HS3ST5: variants seen among roughly 807,000 people sequenced by gnomAD.
The protein encoded by HS3ST5 is heparan sulfate-glucosamine 3-sulfotransferase 5.
HS3ST5 carries 10 observed loss-of-function variants against 25.4 expected under a neutral mutation model. The ratio of observed to expected loss-of-function variants is 0.39; its 90% CI spans 0.24 to 0.67. The LOEUF is 0.67. HS3ST5 is among the 30% of genes least tolerant of loss of function. The pLI is 0.44. For missense variants in HS3ST5, 324 were observed against 420.7 expected, an observed-to-expected ratio of 0.77 and a Z score of 2.01; for synonymous variants, 170 against 162.4, an observed-to-expected ratio of 1.05 and a Z score of -0.36.
intron 1 of HS3ST5, among the ~76,000 whole-genome samples, chr6:114,258,168 C>T (rs1460503189): frequency 1.3e-5 from 2 of 152,114 alleles, no homozygotes; most frequent in African/African-American, 4.8e-5. Context: ...AACTGCCTTT[C>T]CTTATTCACA....
chr6:114,118,427 A>G (rs898458446), intron 3 of HS3ST5, among the ~76,000 whole-genome samples: 1 of 152,190 alleles, frequency 6.6e-6, no homozygotes, highest in African/African-American at 2.4e-5. Flanking sequence ...GTGATTCTCA[A>G]ACACTTTATG....
intron 3 of HS3ST5, among the ~76,000 whole-genome samples, chr6:114,124,455 C>T (rs1473183202): frequency 6.6e-6 from 1 of 152,164 alleles, no homozygotes; most frequent in Non-Finnish European, 1.5e-5. Context: ...TTCCCTGGCG[C>T]CCAACCACAT....
intron 1 of HS3ST5, among the ~76,000 whole-genome samples, chr6:114,233,379 TTCTC>T (rs200898813): frequency 0.027 from 4,088 of 152,136 alleles, 185 homozygotes; most frequent in African/African-American, 0.089. Context: ...TTGAAGTTGA[TTCTC>T]TCTCTCTCAC....
intron 2 of HS3ST5, among the ~76,000 whole-genome samples, chr6:114,208,686 A>G (rs1381096461): frequency 2.6e-5 from 4 of 152,168 alleles, no homozygotes; most frequent in African/African-American, 9.7e-5. Context: ...TTGGTATTGC[A>G]TTGTAGGAAA....
At chr6:114,270,378 A>T (rs1773587728) in intron 1 of HS3ST5, among the ~76,000 whole-genome samples, 1 of 152,208 alleles carries the variant, frequency 6.6e-6, no homozygotes, top group Non-Finnish European at 1.5e-5. Flanking sequence ...AAAAAAATCC[A>T]TTAAAAAATC....
chr6:114,216,875 A>C (rs1781792227), intron 2 of HS3ST5, among the ~76,000 whole-genome samples: 1 of 152,130 alleles, frequency 6.6e-6, no homozygotes, highest in East Asian at 1.9e-4. Context: ...CAGGGTAGGC[A>C]AGGATGGGAG....
At chr6:114,235,169 C>A (rs1050633640) in intron 1 of HS3ST5, among the ~76,000 whole-genome samples, 7 of 152,012 alleles carry the variant, frequency 4.6e-5, no homozygotes, top group Non-Finnish European at 1.0e-4. Flanking sequence ...AACAAAAATT[C>A]TTCTAAGAGT....
At chr6:114,300,010 C>A (rs527707224) in intron 1 of HS3ST5, among the ~76,000 whole-genome samples, 4 of 152,158 alleles carry the variant, frequency 2.6e-5, no homozygotes, top group Admixed American at 2.6e-4. Flanking sequence ...GTGAAGACAG[C>A]CTGATAATAC....
chr6:114,258,667 G>C (rs1250170379), intron 1 of HS3ST5, among the ~76,000 whole-genome samples: 1 of 152,016 alleles, frequency 6.6e-6, no homozygotes, highest in African/African-American at 2.4e-5. Context: ...CCTTCTCCTT[G>C]TCCTGCTCTT....
intron 2 of HS3ST5, among the ~76,000 whole-genome samples, chr6:114,212,890 C>T (rs961964626): frequency 7.9e-5 from 12 of 152,164 alleles, no homozygotes; most frequent in African/African-American, 2.9e-4. Flanking sequence ...TGAGTGGATG[C>T]AGGGGCTAGG....
chr6:114,252,416 A>T (rs1419562034), intron 1 of HS3ST5, among the ~76,000 whole-genome samples: 1 of 152,196 alleles, frequency 6.6e-6, no homozygotes, highest in Non-Finnish European at 1.5e-5. Flanking sequence ...AGGACTGGGA[A>T]TGTATAATTC....
intron 2 of HS3ST5, among the ~76,000 whole-genome samples, chr6:114,219,289 C>T (rs1781920448): frequency 1.3e-5 from 2 of 152,212 alleles, no homozygotes; most frequent in Admixed American, 6.5e-5. Flanking sequence ...CGATTTTACT[C>T]AGCCCAAGAG....
In HS3ST5 at chr6:114,068,188, AT is replaced by A. The variant is rs1177472968; in HGVS notation, c.-32-5312del. Among the ~76,000 whole-genome samples, 9 of 152,144 alleles carry A rather than the reference AT, an allele frequency of 5.9e-5. No individual in the cohort carries two copies. In the East Asian group the frequency reaches 1.5e-3, roughly 26 times the overall value. ...TATTAAGAATTAGAATGCTAATGCT[AT>A]TTTTTTGTTCAAAGCAAGATGGCGC... is the stretch of plus-strand genomic sequence containing the variant. On this transcript the variant is annotated intron_variant, in intron 3 of 4. Coordinates refer to ENST00000312719, the MANE Select transcript of HS3ST5 (RefSeq NM_153612.4).
intron 1 of HS3ST5, among the ~76,000 whole-genome samples, chr6:114,299,147 AGGGTGGGCCTCTAAAATGGCCCCCTT>A (rs1416424025): frequency 6.6e-6 from 1 of 152,154 alleles, no homozygotes. Context: ...TGCACCCCTG[AGGGTGGGCCTCTAAAATGGCCCCCTT>A]GGGTGTAGCC....
chr6:114,335,088 T>C (rs1211512488), intron 1 of HS3ST5, among the ~76,000 whole-genome samples: 1 of 152,124 alleles, frequency 6.6e-6, no homozygotes, highest in Non-Finnish European at 1.5e-5. Flanking sequence ...AGCCCATTAG[T>C]GTGAGGGTTA....
At chr6:114,277,997 A>G (rs760055091) in intron 1 of HS3ST5, among the ~76,000 whole-genome samples, 13 of 152,106 alleles carry the variant, frequency 8.5e-5, no homozygotes, top group South Asian at 2.1e-4. Context: ...GGTTCTCATT[A>G]CTTACCTTTG....
intron 3 of HS3ST5, among the ~76,000 whole-genome samples, chr6:114,153,362 C>T (rs1319152758): frequency 1.3e-5 from 2 of 152,120 alleles, no homozygotes; most frequent in Admixed American, 1.3e-4. Context: ...GAAATATTTA[C>T]ATGTTCTATT....
intron 2 of HS3ST5, among the ~76,000 whole-genome samples, chr6:114,171,908 C>T (rs947452670): frequency 6.6e-6 from 1 of 152,138 alleles, no homozygotes; most frequent in African/African-American, 2.4e-5. Flanking sequence ...GTAATTAAAA[C>T]CTGTTGCCCC....
chr6:114,220,064 A>T (rs921100803), intron 2 of HS3ST5, among the ~76,000 whole-genome samples: 2 of 151,982 alleles, frequency 1.3e-5, no homozygotes, highest in African/African-American at 4.8e-5. Flanking sequence ...ATATTTTTAA[A>T]TTTTCTTACA....
Sources: gnomAD v4.1 joint callset for allele counts (sites outside exome capture counted in the v4.1 genomes callset) on GRCh38, gnomAD v4.1.1 for gene constraint, MANE v1.5 for transcripts, NCBI Gene and HGNC (gene_info 2026-07-23, HGNC 2026-07-21) for gene names.